Variants in ACTR3C observed in about 807,000 individuals in gnomAD.
ACTR3C encodes the protein actin-related protein 3C.
A neutral mutation model predicts 26.3 loss-of-function variants in ACTR3C; 18 were observed. The observed-to-expected ratio is 0.68, with a 90% CI of 0.47 to 1.01. The LOEUF (loss-of-function observed/expected upper bound fraction) is 1.01, where lower values mean the gene tolerates loss of function less well. ACTR3C is among the 50% of genes least tolerant of loss of function. ACTR3C has a pLI of 0.00. For synonymous variants in ACTR3C, 55 were observed against 94.5 expected, an observed-to-expected ratio of 0.58 and a Z score of 2.42; for missense variants, 184 against 250.7, an observed-to-expected ratio of 0.73 and a Z score of 1.80.
chr7:150,112,262 C>T, the ACTR3C span, among the ~76,000 whole-genome samples: 5 of 152,120 alleles, frequency 3.3e-5, no homozygotes, highest in African/African-American at 7.2e-5. Context: ...TGGCCCCTCT[C>T]CCTCAAAAAA....
At chr7:150,208,360 G>A in the ACTR3C span, among the ~76,000 whole-genome samples, 15 of 152,152 alleles carry the variant, frequency 9.9e-5, no homozygotes, top group African/African-American at 3.1e-4. Flanking sequence ...AACAGGGCAC[G>A]CATGAGAGAA....
At chr7:150,160,212 G>A in the ACTR3C span, among the ~76,000 whole-genome samples, 43 of 152,196 alleles carry the variant, frequency 2.8e-4, no homozygotes, top group African/African-American at 9.9e-4. Flanking sequence ...TCTGCAATTC[G>A]ATAAAGAGTT....
At chr7:150,273,444 AT>A (rs772583056) in intron 6 of ACTR3C, among the ~76,000 whole-genome samples, 1 of 151,552 alleles carries the variant, frequency 6.6e-6, no homozygotes, top group Non-Finnish European at 1.5e-5. Context: ...CAGCTGGCTA[AT>A]TTTTTTGGTA....
chr7:150,297,000 A>G (rs1440646643), intron 1 of ACTR3C, among the ~76,000 whole-genome samples: 3 of 152,192 alleles, frequency 2.0e-5, no homozygotes, highest in African/African-American at 7.2e-5. Context: ...AACTGTGAGA[A>G]AACAACGAAC....
chr7:150,032,417 G>A, the ACTR3C span, among the ~76,000 whole-genome samples: 2 of 152,190 alleles, frequency 1.3e-5, no homozygotes, highest in Non-Finnish European at 2.9e-5. Flanking sequence ...TCTGTGCAAC[G>A]TGCTTGCGGT....
chr7:150,134,945 G>C, the ACTR3C span, among the ~76,000 whole-genome samples: 9 of 152,216 alleles, frequency 5.9e-5, no homozygotes, highest in African/African-American at 2.2e-4. Flanking sequence ...CCCGTTTCCA[G>C]GTTAACAGAG....
intron 1 of ACTR3C, among the ~76,000 whole-genome samples, chr7:150,318,279 G>A (rs543365472): frequency 1.2e-3 from 176 of 152,268 alleles, no homozygotes; most frequent in Non-Finnish European, 1.6e-3. Flanking sequence ...GGATTTCTGG[G>A]AGCACCACAA....
the ACTR3C span, among the ~76,000 whole-genome samples, chr7:150,141,266 T>C: frequency 6.6e-6 from 1 of 152,232 alleles, no homozygotes; most frequent in Non-Finnish European, 1.5e-5. Context: ...GTCTCCTTTA[T>C]CATCTCAAGA....
At chr7:149,946,149 A>G in the ACTR3C span, among the ~76,000 whole-genome samples, 2 of 152,214 alleles carry the variant, frequency 1.3e-5, no homozygotes, top group African/African-American at 4.8e-5. Context: ...AGGGGATGAC[A>G]TGGAGGACCT....
the ACTR3C span, among the ~76,000 whole-genome samples, chr7:150,028,364 CTG>C: frequency 6.7e-6 from 1 of 148,978 alleles, no homozygotes; most frequent in East Asian, 2.0e-4. Flanking sequence ...ATGCCTGTGT[CTG>C]TGTCTGTGTC....
chr7:150,050,006 C>A, the ACTR3C span, among the ~76,000 whole-genome samples: 4 of 152,182 alleles, frequency 2.6e-5, no homozygotes, highest in East Asian at 5.8e-4. Context: ...ACAGAGGCAA[C>A]AGAGCCATAA....
the ACTR3C span, among the ~76,000 whole-genome samples, chr7:150,205,929 G>A: frequency 1.3e-5 from 2 of 152,052 alleles, no homozygotes; most frequent in Non-Finnish European, 2.9e-5. Flanking sequence ...GTAATGGGGA[G>A]TGAGAGTAAA....
At chr7:150,144,320 G>A in the ACTR3C span, among the ~76,000 whole-genome samples, 120 of 152,276 alleles carry the variant, frequency 7.9e-4, no homozygotes, top group African/African-American at 2.7e-3. The surrounding 1 kb of genome is among the most constrained non-coding windows in gnomAD (Gnocchi z 4.6). Context: ...ATTGTCTTAA[G>A]CACCTCAGAA....
At chr7:150,319,650 C>T (rs1797295273) in intron 1 of ACTR3C, among the ~76,000 whole-genome samples, 1 of 152,208 alleles carries the variant, frequency 6.6e-6, no homozygotes, top group African/African-American at 2.4e-5. Flanking sequence ...CATCCAATTA[C>T]TTTGTATTTA....
At chr7:149,906,408 GTTTCTTTTTTTTT>G in the ACTR3C span, among the ~76,000 whole-genome samples, 54 of 90,686 alleles carry the variant, frequency 6.0e-4, 1 homozygote, top group African/African-American at 2.3e-3. Context: ...TGTGGGGTTT[GTTTCTTTTTTTTT>G]TTTTTTTTTT....
chr7:150,186,187 T>A, the ACTR3C span, among the ~76,000 whole-genome samples: 1 of 152,178 alleles, frequency 6.6e-6, no homozygotes, highest in Admixed American at 6.6e-5. Context: ...AAACTCTCTC[T>A]TCTAAAACAA....
chr7:150,146,750 G>A, the ACTR3C span, among the ~76,000 whole-genome samples: 36 of 152,298 alleles, frequency 2.4e-4, no homozygotes, highest in African/African-American at 8.7e-4. Flanking sequence ...AATCTTCAGA[G>A]GTGATGGATG....
At chr7:150,041,781 C>G in the ACTR3C span, among the ~76,000 whole-genome samples, 1 of 129,556 alleles carries the variant, frequency 7.7e-6, no homozygotes, top group Non-Finnish European at 1.7e-5. Flanking sequence ...CTCTCAGTCC[C>G]TGCCTCGCGG....
the ACTR3C span, among the ~76,000 whole-genome samples, chr7:150,142,683 C>A: frequency 0.1 from 15,715 of 150,792 alleles, 966 homozygotes; most frequent in South Asian, 0.14. Context: ...CGCCCACCAC[C>A]ACACCCAGCT....
Sources: gnomAD v4.1 joint callset for allele counts (sites outside exome capture counted in the v4.1 genomes callset) on GRCh38, gnomAD v4.1.1 for gene constraint, Gnocchi (gnomAD v3.1) non-coding constraint, MANE v1.5 for transcripts, NCBI Gene and HGNC (gene_info 2026-07-23, HGNC 2026-07-21) for gene names.